HDLBP: variants seen among roughly 807,000 people sequenced by gnomAD.
HDLBP encodes the protein high density lipoprotein binding protein.
HDLBP carries 30 observed loss-of-function variants against 137.3 expected under a neutral mutation model. That is an observed-to-expected ratio of 0.22 (90% CI 0.16 to 0.30). The LOEUF (loss-of-function observed/expected upper bound fraction) is 0.30. Among genes scored for constraint, HDLBP ranks in the 10% least tolerant of loss-of-function variants. The pLI is 1.00. For missense variants in HDLBP, 1,119 were observed against 1,667.3 expected (o/e 0.67, Z 5.73); for synonymous variants, 606 against 596.0 (o/e 1.02, Z -0.24).
At chr2:241,286,526 G>A (rs933145441) in intron 1 of HDLBP, among the ~76,000 whole-genome samples, 17 of 152,172 alleles carry the variant, frequency 1.1e-4, no homozygotes, top group African/African-American at 4.1e-4. Flanking sequence ...CCTTTGCTTC[G>A]AGCCATCCTG....
intron 5 of HDLBP, among the ~76,000 whole-genome samples, chr2:241,259,755 G>A (rs555511929): frequency 6.6e-6 from 1 of 152,110 alleles, no homozygotes; most frequent in Non-Finnish European, 1.5e-5. Flanking sequence ...GATTACAGGC[G>A]TGAGAGTCAC....
chr2:241,288,174 C>T (rs962826830), intron 1 of HDLBP, among the ~76,000 whole-genome samples: 1 of 152,212 alleles, frequency 6.6e-6, no homozygotes, highest in East Asian at 1.9e-4. Flanking sequence ...AAAACAGAGT[C>T]ACAAAATTTA....
chr2:241,299,338 G>A (rs2075305060), intron 1 of HDLBP, among the ~76,000 whole-genome samples: 1 of 150,886 alleles, frequency 6.6e-6, no homozygotes, highest in Admixed American at 6.6e-5. Flanking sequence ...GACCAATATG[G>A]TGAAACCGTC....
At chr2:241,241,384 T>G (rs1453967373) in intron 17 of HDLBP, among the ~76,000 whole-genome samples, 2 of 151,372 alleles carry the variant, frequency 1.3e-5, no homozygotes, top group South Asian at 2.1e-4. Flanking sequence ...TAGCTAACAC[T>G]GTGAAACCCC....
chr2:241,260,463 G>C (rs778435345), intron 5 of HDLBP, among the ~76,000 whole-genome samples: 3 of 152,078 alleles, frequency 2.0e-5, no homozygotes, highest in African/African-American at 7.2e-5. Context: ...GATCAACACT[G>C]AAGTCGCCGG....
chr2:241,271,184 G>C, intron 1 of HDLBP: 3 of 963,248 alleles, frequency 3.1e-6, no homozygotes, highest in Non-Finnish European at 3.7e-6. Context: ...CAGTCCCTTC[G>C]TGATTCTGGC....
chr2:241,238,425 T>G lies in HDLBP; in HGVS notation c.2749+224A>C. 2.7e-6 allele frequency: 1 copy of G among 375,902 alleles called. No individual in the cohort carries two copies. Among genetic ancestry groups the G allele is most frequent in the Non-Finnish European group, 4.7e-6 (1 of 210,978 alleles). The allele number at this position is 375,902 out of a possible 1,614,324, so 23.3% of individuals were successfully genotyped here. A position where few individuals can be genotyped will look rare whatever the true frequency, so the allele number is the denominator to read the frequency against. On this transcript the variant is annotated intron_variant, in intron 20 of 27. Transcript: ENST00000310931. The surrounding 1 kb of genome is among the most constrained non-coding windows in gnomAD (Gnocchi z 4.9). ...TCGCCTTGGGACTGGCTACCTTGTG[T>G]GTCTCTAGGACCTATGAAGGTCACC...
At chr2:241,251,643 G>A (rs1333181209) in intron 11 of HDLBP, among the ~76,000 whole-genome samples, 1 of 152,206 alleles carries the variant, frequency 6.6e-6, no homozygotes, top group Non-Finnish European at 1.5e-5. Context: ...ACACGCGAGT[G>A]TGTGAGTATA....
chr2:241,276,712 G>T (rs901869752), intron 1 of HDLBP, among the ~76,000 whole-genome samples: 2 of 152,068 alleles, frequency 1.3e-5, no homozygotes, highest in African/African-American at 4.8e-5. Flanking sequence ...TCATTATTAA[G>T]AACAGAGAAG....
intron 1 of HDLBP, among the ~76,000 whole-genome samples, chr2:241,287,487 C>A (rs1271988516): frequency 1.3e-5 from 2 of 150,596 alleles, no homozygotes; most frequent in East Asian, 3.9e-4. Context: ...GCAGCACAAT[C>A]GCAGCTCACT....
chr2:241,232,814 C>T (rs921209457), intron 24 of HDLBP, among the ~76,000 whole-genome samples: 2 of 151,712 alleles, frequency 1.3e-5, no homozygotes, highest in African/African-American at 4.8e-5. Flanking sequence ...GACTATCTCT[C>T]TCAAAAAAAA....
intron 2 of HDLBP, chr2:241,267,845 G>A (rs922962454): frequency 2.1e-6 from 3 of 1,434,666 alleles, no homozygotes; most frequent in African/African-American, 1.4e-5. Flanking sequence ...CGCACAGCAG[G>A]GGAAACCTGG....
intron 1 of HDLBP, among the ~76,000 whole-genome samples, chr2:241,296,274 G>A (rs1349430239): frequency 1.3e-5 from 2 of 152,148 alleles, no homozygotes; most frequent in African/African-American, 4.8e-5. Flanking sequence ...AAATCAGCAA[G>A]GAATTGGGCC....
rs2069356819 is a variant in HDLBP at position 241,228,602 on chromosome 2, G to T, written c.*999C>A. 1 of 152,386 alleles carries T rather than the reference G, an allele frequency of 6.6e-6. No homozygotes were observed. The highest frequency in any genetic ancestry group is 6.5e-5 in the Admixed American group (1 of 15,272). The allele number at this position is 152,386 out of a possible 1,614,324, so 9.4% of individuals were successfully genotyped here. On this transcript the variant is annotated 3_prime_UTR_variant, in exon 28 of 28. Coordinates refer to ENST00000310931, the MANE Select transcript of HDLBP (RefSeq NM_005336.6). ...ACGGCGCCCACCCCCAGCTCCACGG[G>T]AAACCCATAACCACCAGAAACATCT...
intron 21 of HDLBP, 73 bp from the exon 22 acceptor site, chr2:241,235,667 C>A: frequency 2.0e-6 from 2 of 1,014,654 alleles, no homozygotes; most frequent in South Asian, 1.4e-5. Flanking sequence ...AGCAATGGGG[C>A]TCCACGAAAC....
chr2:241,231,975 G>A (rs2069819078), intron 24 of HDLBP, among the ~76,000 whole-genome samples: 1 of 152,082 alleles, frequency 6.6e-6, no homozygotes, highest in Non-Finnish European at 1.5e-5. Flanking sequence ...CAGGACTAGA[G>A]GACAGGGACA....
At chr2:241,270,223 C>T (rs1574984434) in intron 1 of HDLBP, among the ~76,000 whole-genome samples, 1 of 152,322 alleles carries the variant, frequency 6.6e-6, no homozygotes, top group East Asian at 1.9e-4. Flanking sequence ...GAACCTACTC[C>T]TGTGTCTGAG....
intron 1 of HDLBP, among the ~76,000 whole-genome samples, chr2:241,284,665 C>T (rs934287324): frequency 3.9e-5 from 6 of 152,166 alleles, no homozygotes; most frequent in African/African-American, 1.4e-4. Context: ...CAAACAACAT[C>T]ACGTGCTACA....
intron 1 of HDLBP, among the ~76,000 whole-genome samples, chr2:241,313,045 C>G (rs1177041706): frequency 2.6e-5 from 4 of 152,184 alleles, no homozygotes; most frequent in Non-Finnish European, 5.9e-5. Flanking sequence ...TCCTAGTCTT[C>G]CTGTCCACTC....
Sources: allele counts gnomAD v4.1 joint callset (sites outside exome capture counted in the v4.1 genomes callset), GRCh38; gene constraint gnomAD v4.1.1; non-coding constraint Gnocchi (gnomAD v3.1); transcripts MANE v1.5; gene names NCBI Gene and HGNC (gene_info 2026-07-23, HGNC 2026-07-21).